C8A: variants seen among roughly 807,000 people sequenced by gnomAD.
C8A encodes the protein complement C8 alpha chain.
In C8A, 67 loss-of-function variants were observed where a neutral mutation model predicts 65.3. The ratio of observed to expected loss-of-function variants is 1.03; its 90% CI spans 0.84 to 1.26. The LOEUF is 1.26. Among genes scored for constraint, C8A ranks in the 50% most tolerant of loss-of-function variants. The pLI is 0.00. For synonymous variants in C8A, 290 were observed against 259.4 expected (o/e 1.12, Z -1.13); for missense variants, 781 against 723.9 (o/e 1.08, Z -0.90).
At chr1:56,859,138 C>G (rs1644005840) in intron 1 of C8A, among the ~76,000 whole-genome samples, 2 of 152,178 alleles carry the variant, frequency 1.3e-5, no homozygotes, top group East Asian at 1.9e-4. Flanking sequence ...GGTTTGAATT[C>G]TGGCCTTGCC....
chr1:56,912,585 G>A lies in C8A; in HGVS notation c.1563G>A (p.Leu521=). The A allele has an allele frequency of 6.2e-7, 1 of 1,614,204 alleles. No homozygotes were observed. Among genetic ancestry groups the A allele is most frequent in the Non-Finnish European group, 8.5e-7 (1 of 1,180,030 alleles). ...EGTSCRCQCR[L]GSLGAACEQT... ...CCAGCTGCAGGTGCCAGTGCCGCCTGGGTAGCTTGGGTGCTGCCTGTGAGC... is the reference window on the plus strand; with the variant it reads ...CCAGCTGCAGGTGCCAGTGCCGCCTAGGTAGCTTGGGTGCTGCCTGTGAGC... Residue 521 remains leucine (L), a synonymous_variant, in exon 10 of 11, where the codon CTG becomes CTA. Transcript: ENST00000361249.
chr1:56,854,908 G>A lies in C8A; in HGVS notation c.7G>A (p.Ala3Thr). MF[A>T]VVFFILSLMT... is the part of the protein sequence containing the mutation. ...GCGGTGGCTTCTGGCTGAGATGTTTGCTGTTGTTTTCTTCATCTTGTCTTT... is the reference window on the plus strand; with the variant it reads ...GCGGTGGCTTCTGGCTGAGATGTTTACTGTTGTTTTCTTCATCTTGTCTTT... Residue 3 changes from alanine (A) to threonine (T), a missense_variant, in exon 1 of 11, where the codon GCT becomes ACT. Ala to Thr is a moderately conservative substitution (Grantham distance 58). Transcript: ENST00000361249. 1 of 1,613,396 alleles carries A rather than the reference G, an allele frequency of 6.2e-7. No individual in the cohort carries two copies. The highest frequency in any genetic ancestry group is 8.5e-7 in the Non-Finnish European group (1 of 1,179,690).
chr1:56,878,751 C>T (rs1006824274), intron 4 of C8A, among the ~76,000 whole-genome samples: 1 of 152,032 alleles, frequency 6.6e-6, no homozygotes, highest in Non-Finnish European at 1.5e-5. Flanking sequence ...CAACAGCCCT[C>T]TCTCCCTTCC....
rs1219085297 is a variant in C8A at position 56,885,861 on chromosome 1, T to A, written c.856-66T>A. ...CACTGCACCCAGAGACCTTTTGCAT[T>A]ATTTCTAATGGTAAAATATATGCTC... is the stretch of plus-strand genomic sequence containing the variant. On this transcript the variant is annotated intron_variant, in intron 6 of 10. Coordinates refer to ENST00000361249, the MANE Select transcript of C8A (RefSeq NM_000562.3). The A allele has an allele frequency of 4.3e-6, 7 of 1,610,084 alleles. No individual in the cohort carries two copies. In the East Asian group the frequency reaches 8.9e-5, roughly 21 times the overall value.
intron 1 of C8A, among the ~76,000 whole-genome samples, chr1:56,855,905 G>A (rs1051592990): frequency 1.3e-5 from 2 of 151,954 alleles, no homozygotes; most frequent in African/African-American, 2.4e-5. Flanking sequence ...GTATTTAAAG[G>A]AAATACAATT....
At position 56,884,198 on chromosome 1, in the gene C8A, A is replaced by T. The variant is rs1202771745; in HGVS notation, c.855+517A>T. ...TAAGCTTAGATCTAAAGATTAGTGC[A>T]AATTGTCCAGACAAAGGGAGACAAA... is the stretch of plus-strand genomic sequence containing the variant. On this transcript the variant is annotated intron_variant, in intron 6 of 10. Coordinates refer to ENST00000361249, the MANE Select transcript of C8A (RefSeq NM_000562.3). 3.9e-5 allele frequency among the ~76,000 whole-genome samples: 6 copies of T among 152,150 alleles called. No homozygotes were observed. The East Asian group carries it at 1.2e-3, about 29-fold the overall frequency.
intron 1 of C8A, among the ~76,000 whole-genome samples, chr1:56,855,686 G>T (rs1442278304): frequency 6.6e-6 from 1 of 151,312 alleles, no homozygotes; most frequent in East Asian, 1.9e-4. Flanking sequence ...AGCCTAAGCA[G>T]TCCTTTATTT....
intron 4 of C8A, among the ~76,000 whole-genome samples, chr1:56,880,617 G>A (rs534810908): frequency 6.6e-6 from 1 of 152,186 alleles, no homozygotes; most frequent in East Asian, 1.9e-4. Flanking sequence ...CCTTTCTGAG[G>A]ATTAGAGTCT....
chr1:56,913,798 A>T (rs1436618323), intron 10 of C8A, among the ~76,000 whole-genome samples: 3 of 152,226 alleles, frequency 2.0e-5, no homozygotes, highest in African/African-American at 7.2e-5. Flanking sequence ...AAGGTATTAC[A>T]ATTGACTCCA....
intron 1 of C8A, among the ~76,000 whole-genome samples, chr1:56,859,244 A>G (rs1473350471): frequency 6.6e-6 from 1 of 152,228 alleles, no homozygotes; most frequent in Non-Finnish European, 1.5e-5. Flanking sequence ...CTACCACCAC[A>G]GGGTTCTTGT....
chr1:56,907,043 G>T (rs1644471926), intron 8 of C8A, among the ~76,000 whole-genome samples: 1 of 152,130 alleles, frequency 6.6e-6, no homozygotes, highest in African/African-American at 2.4e-5. Flanking sequence ...TTAGACAAAG[G>T]TCCAAGTAAG....
chr1:56,911,856 G>A (rs1458401202), intron 9 of C8A, among the ~76,000 whole-genome samples: 1 of 152,190 alleles, frequency 6.6e-6, no homozygotes, highest in Non-Finnish European at 1.5e-5. Context: ...CTGCATTGAA[G>A]GCTGACATTT....
At chr1:56,877,511 T>G (rs770312748) in intron 4 of C8A, among the ~76,000 whole-genome samples, 19 of 152,156 alleles carry the variant, frequency 1.2e-4, no homozygotes, top group African/African-American at 2.2e-4. Context: ...GAACAGGGCT[T>G]AGCTCAGAAT....
At chr1:56,904,870 C>A (rs1176017074) in intron 7 of C8A, among the ~76,000 whole-genome samples, 2 of 152,158 alleles carry the variant, frequency 1.3e-5, no homozygotes, top group Non-Finnish European at 2.9e-5. Flanking sequence ...CTTCTCCCAG[C>A]ATCACGTGGC....
intron 7 of C8A, among the ~76,000 whole-genome samples, chr1:56,890,978 T>G (rs1034982062): frequency 3.3e-5 from 5 of 152,210 alleles, no homozygotes; most frequent in Non-Finnish European, 5.9e-5. Flanking sequence ...TACTGCATAT[T>G]CATTTCCTAG....
chr1:56,887,265 T>C (rs2101250855), intron 7 of C8A, among the ~76,000 whole-genome samples: 1 of 152,324 alleles, frequency 6.6e-6, no homozygotes, highest in South Asian at 2.1e-4. Context: ...TCTAGATCCT[T>C]GAGGAATTGA....
At chr1:56,878,328 G>A (rs975072983) in intron 4 of C8A, among the ~76,000 whole-genome samples, 2 of 152,102 alleles carry the variant, frequency 1.3e-5, no homozygotes, top group Non-Finnish European at 2.9e-5. Flanking sequence ...AATCCAGCCC[G>A]TAACATCAAT....
chr1:56,883,444 T>C (rs1004412522), intron 5 of C8A, 37 bp from the exon 6 acceptor site: 27 of 1,546,062 alleles, frequency 1.7e-5, no homozygotes, highest in Non-Finnish European at 2.2e-5. Context: ...AATGGCTCTA[T>C]GTGCACAAAG....
chr1:56,868,630 A>C (rs965072362), intron 2 of C8A, among the ~76,000 whole-genome samples: 3 of 152,042 alleles, frequency 2.0e-5, no homozygotes, highest in African/African-American at 4.8e-5. Context: ...AAATAAATAA[A>C]TACGTAATAA....
Sources: gnomAD v4.1 joint callset for allele counts (sites outside exome capture counted in the v4.1 genomes callset) on GRCh38, gnomAD v4.1.1 for gene constraint, MANE v1.5 for transcripts, NCBI Gene and HGNC (gene_info 2026-07-23, HGNC 2026-07-21) for gene names.